Variants in ADAT3 observed in about 807,000 individuals in gnomAD.
The protein encoded by ADAT3 is tRNA-specific adenosine-34 deaminase regulatory subunit ADAT3.
Under a neutral mutation model 3.5 loss-of-function variants are expected in ADAT3, and 2 were observed. That is an observed-to-expected ratio of 0.57 (90% CI 0.23 to 1.79). The LOEUF is 1.79. ADAT3 is among the 40% of genes most tolerant of loss of function. The pLI is 0.18. For synonymous variants in ADAT3, 358 were observed against 270.3 expected (o/e 1.32, Z -3.18); for missense variants, 735 against 571.4 (o/e 1.29, Z -2.92).
chr19:1,908,133 C>T lies in ADAT3; in HGVS notation c.-159+2694C>T, dbSNP rs913258500. ...GCCTAGCAGGGCCGTGCGGGCCTCT[C>T]GGTCCTGGTCGCGCGTGGTGTGCGT... On this transcript the variant is annotated intron_variant, in intron 1 of 1. Coordinates refer to ENST00000329478, the MANE Select transcript of ADAT3 (RefSeq NM_138422.4). This position sits in a 1 kb window ranked among gnomAD's most constrained non-coding sequence, Gnocchi z 4.2. 3 of 243,114 alleles carry T rather than the reference C, an allele frequency of 1.2e-5. No individual in the cohort carries two copies. The highest frequency in any genetic ancestry group is 7.1e-5 in the African/African-American group (3 of 42,314). 15.1% of individuals were successfully genotyped at this position (243,114 alleles called of 1,614,324 possible).
At position 1,912,897 on chromosome 19, in the gene ADAT3, C is replaced by T; in HGVS notation, c.850C>T (p.Leu284=). ...CGTCCGCGCAGGCGCCGTGCGTAAA[C>T]TGGACGCAGACGAGGACGGCCTCCC... ...QAVRAGAVRK[L]DADEDGLPYL... is the part of the protein sequence containing the mutation. The change falls in exon 2 of 2, where the codon CTG becomes TTG. Residue 284 remains leucine, a synonymous_variant. Transcript: ENST00000329478. The T allele has an allele frequency of 6.2e-7, 1 of 1,608,246 alleles. No homozygotes were observed. Among genetic ancestry groups the T allele is most frequent in the East Asian group, 2.2e-5 (1 of 44,824 alleles).
In ADAT3 at chr19:1,908,643, G is replaced by A. The variant is rs780580272; in HGVS notation, c.-159+3204G>A. ...ATAACTGTGAGCACACAGGTAGTAAGGTTTTTAGGATTTTATTATTATTTA... is the reference window on the plus strand; with the variant it reads ...ATAACTGTGAGCACACAGGTAGTAAAGTTTTTAGGATTTTATTATTATTTA... On this transcript the variant is annotated intron_variant, in intron 1 of 1. Coordinates refer to ENST00000329478, the MANE Select transcript of ADAT3 (RefSeq NM_138422.4). This position sits in a 1 kb window ranked among gnomAD's most constrained non-coding sequence, Gnocchi z 4.2. 18 of 452,938 alleles carry A rather than the reference G, an allele frequency of 4.0e-5. No individual in the cohort carries two copies. The highest frequency in any genetic ancestry group is 3.4e-4 in the Middle Eastern group (1 of 2,974). 28.1% of individuals were successfully genotyped at this position (452,938 alleles called of 1,614,324 possible). A position where few individuals can be genotyped will look rare whatever the true frequency, so the allele number is the denominator to read the frequency against.
At chr19:1,910,198 G>A (rs1198517545) in intron 1 of ADAT3, among the ~76,000 whole-genome samples, 4 of 152,208 alleles carry the variant, frequency 2.6e-5, no homozygotes, top group Admixed American at 6.5e-5. Context: ...GAACCCAGGT[G>A]TCAGCCAGGG....
At chr19:1,909,112 A>T (rs1167778657) in intron 1 of ADAT3, among the ~76,000 whole-genome samples, 1 of 151,812 alleles carries the variant, frequency 6.6e-6, no homozygotes, top group Non-Finnish European at 1.5e-5. Flanking sequence ...CTGAAAAAAA[A>T]AAAAATGTGG....
chr19:1,913,256 A>G lies in ADAT3; in HGVS notation c.*105A>G, dbSNP rs2145440854. 1.4e-6 allele frequency: 2 copies of G among 1,419,090 alleles called. No homozygotes were observed. The highest frequency in any genetic ancestry group is 1.5e-5 in the South Asian group (1 of 66,860). The allele number at this position is 1,419,090 out of a possible 1,614,324, so 87.9% of individuals were successfully genotyped here. On this transcript the variant is annotated 3_prime_UTR_variant, in exon 2 of 2. Transcript: ENST00000329478. The stretch of plus-strand genomic sequence containing the variant: ...CCGCACAAGCCTGACCGTGGATTTC[A>G]GGGACACATACCGCCTCCAGCGGGG...
In ADAT3 at chr19:1,912,489, C is replaced by T; in HGVS notation, c.442C>T (p.Pro148Ser). ...CTTCCTGGTGCCCGTGCCCGCCCGG[C>T]CGCCTCTGACCAGGGGCCAGTTCGA... ...QPFLVPVPAR[P>S]PLTRGQFEEA... The change falls in exon 2 of 2, where the codon CCG becomes TCG. Residue 148 changes from proline (P) to serine (S), a missense_variant. Transcript: ENST00000329478. 1 of 1,497,262 alleles carries T rather than the reference C, an allele frequency of 6.7e-7. No homozygotes were observed. 92.7% of individuals were successfully genotyped at this position (1,497,262 alleles called of 1,614,324 possible). A position where few individuals can be genotyped will look rare whatever the true frequency, so the allele number is the denominator to read the frequency against.
Position 1,908,397 on chromosome 19 carries a change from C to T in ADAT3, c.-159+2958C>T, listed in dbSNP as rs1599231486. On this transcript the variant is annotated intron_variant, in intron 1 of 1. Coordinates refer to ENST00000329478, the MANE Select transcript of ADAT3 (RefSeq NM_138422.4). This position sits in a 1 kb window ranked among gnomAD's most constrained non-coding sequence, Gnocchi z 4.2. ...GTCCCCCATCTGTGGGGCGCCCCGGCGGCTGAGGCGTGGACCAGGCAGTGC... is the reference window on the plus strand; with the variant it reads ...GTCCCCCATCTGTGGGGCGCCCCGGTGGCTGAGGCGTGGACCAGGCAGTGC... The T allele has an allele frequency of 7.1e-6, 3 of 421,796 alleles. No individual in the cohort carries two copies. The highest frequency in any genetic ancestry group is 5.4e-5 in the Admixed American group (2 of 37,378). The allele number at this position is 421,796 out of a possible 1,614,324, so 26.1% of individuals were successfully genotyped here. A position where few individuals can be genotyped will look rare whatever the true frequency, so the allele number is the denominator to read the frequency against.
At chr19:1,906,185 C>G (rs1218937546) in intron 1 of ADAT3, 1 of 152,082 alleles carries the variant, frequency 6.6e-6, no homozygotes, top group African/African-American at 2.4e-5. Flanking sequence ...CATGGTGAAA[C>G]TCCATCTCTG....
At position 1,912,635 on chromosome 19, in the gene ADAT3, G is replaced by T. The variant is rs949727253; in HGVS notation, c.588G>T (p.Ala196=). Residue 196 remains alanine, a synonymous_variant, in exon 2 of 2, where the codon GCG becomes GCT. Transcript: ENST00000329478. ...CCATGCAGAGCCACATGGAGCGGGC[G>T]GTGTGGGCGGCCCGGCGGGCAGCAG... ...RAAMQSHMER[A]VWAARRAAAR... The T allele has an allele frequency of 5.6e-6, 8 of 1,438,842 alleles. No individual in the cohort carries two copies. The African/African-American group carries it at 1.2e-4, about 22-fold the overall frequency. The allele number at this position is 1,438,842 out of a possible 1,614,324, so 89.1% of individuals were successfully genotyped here.
chr19:1,906,124 C>T (rs2013100590), intron 1 of ADAT3: 1 of 152,244 alleles, frequency 6.6e-6, no homozygotes, highest in Admixed American at 6.5e-5. Flanking sequence ...CTTTGGGAGG[C>T]CAAGGCGAGT....
At position 1,913,107 on chromosome 19, in the gene ADAT3, G is replaced by T; in HGVS notation, c.1060G>T (p.Gly354Trp). The part of the protein sequence containing the change: ...DLNHRFQVFR[G>W]VLEEQCRWLD... ...CAACCACCGCTTCCAGGTGTTCCGCGGGGTGCTGGAGGAGCAGTGCCGCTG... is the reference window on the plus strand; with the variant it reads ...CAACCACCGCTTCCAGGTGTTCCGCTGGGTGCTGGAGGAGCAGTGCCGCTG... Residue 354 changes from glycine (G) to tryptophan (W), a missense_variant, in exon 2 of 2, where the codon GGG (glycine) becomes TGG (tryptophan). Gly to Trp is a radical substitution (Grantham distance 184, BLOSUM62 -2). Coordinates refer to ENST00000329478, the MANE Select transcript of ADAT3 (RefSeq NM_138422.4). 6.3e-7 allele frequency: 1 copy of T among 1,593,610 alleles called. No homozygotes were observed.
Position 1,908,393 on chromosome 19 carries a change from C to G in ADAT3, c.-159+2954C>G. 2.4e-6 allele frequency: 1 copy of G among 418,318 alleles called. No individual in the cohort carries two copies. The highest frequency in any genetic ancestry group is 1.8e-5 in the South Asian group (1 of 57,042). The allele number at this position is 418,318 out of a possible 1,614,324, so 25.9% of individuals were successfully genotyped here. ...GCTGGTCCCCCATCTGTGGGGCGCCCCGGCGGCTGAGGCGTGGACCAGGCA... is the reference window on the plus strand; with the variant it reads ...GCTGGTCCCCCATCTGTGGGGCGCCGCGGCGGCTGAGGCGTGGACCAGGCA... On this transcript the variant is annotated intron_variant, in intron 1 of 1. Transcript: ENST00000329478. The surrounding 1 kb of genome is among the most constrained non-coding windows in gnomAD (Gnocchi z 4.2).
At chr19:1,909,186 A>G (rs2013302484) in intron 1 of ADAT3, among the ~76,000 whole-genome samples, 2 of 150,366 alleles carry the variant, frequency 1.3e-5, no homozygotes, top group South Asian at 4.2e-4. Context: ...CTGTGGGGGC[A>G]GATGCAGGTG....
chr19:1,912,500 C>T lies in ADAT3; in HGVS notation c.453C>T (p.Thr151=). The T allele has an allele frequency of 6.7e-7, 1 of 1,497,200 alleles. No individual in the cohort carries two copies. Among genetic ancestry groups the T allele is most frequent in the Non-Finnish European group, 8.8e-7 (1 of 1,130,734 alleles). The allele number at this position is 1,497,200 out of a possible 1,614,324, so 92.7% of individuals were successfully genotyped here. ...LVPVPARPPL[T]RGQFEEARAH... ...CCGTGCCCGCCCGGCCGCCTCTGACCAGGGGCCAGTTCGAGGAGGCCCGGG... is the reference window on the plus strand; with the variant it reads ...CCGTGCCCGCCCGGCCGCCTCTGACTAGGGGCCAGTTCGAGGAGGCCCGGG... Residue 151 remains threonine, a synonymous_variant, in exon 2 of 2, where the codon ACC becomes ACT. Transcript: ENST00000329478.
chr19:1,912,716 G>A lies in ADAT3; in HGVS notation c.669G>A (p.Val223=). 1 of 1,516,364 alleles carries A rather than the reference G, an allele frequency of 6.6e-7. No individual in the cohort carries two copies. The highest frequency in any genetic ancestry group is 2.6e-5 in the East Asian group (1 of 38,292). 93.9% of individuals were successfully genotyped at this position (1,516,364 alleles called of 1,614,324 possible). Residue 223 remains valine (V), a synonymous_variant, in exon 2 of 2, where the codon GTG becomes GTA. Transcript: ENST00000329478. The part of the protein sequence containing the change: ...AVVVDPASDR[V]LATGHDCSCA... ...TAGTGGACCCGGCCTCGGACCGCGT[G>A]CTGGCCACCGGCCACGACTGCAGCT...
In ADAT3 at chr19:1,912,473, G is replaced by C. The variant is rs2013517706; in HGVS notation, c.426G>C (p.Val142=). Residue 142 remains valine, a synonymous_variant, in exon 2 of 2, where the codon GTG becomes GTC. Coordinates refer to ENST00000329478, the MANE Select transcript of ADAT3 (RefSeq NM_138422.4). ...GCGGCCTGGGGCAACCCTTCCTGGTGCCCGTGCCCGCCCGGCCGCCTCTGA... is the reference window on the plus strand; with the variant it reads ...GCGGCCTGGGGCAACCCTTCCTGGTCCCCGTGCCCGCCCGGCCGCCTCTGA... ...DPRGLGQPFL[V]PVPARPPLTR... is the part of the protein sequence containing the mutation. 1 of 1,500,178 alleles carries C rather than the reference G, an allele frequency of 6.7e-7. No homozygotes were observed. The highest frequency in any genetic ancestry group is 2.1e-5 in the Admixed American group (1 of 46,548). The allele number at this position is 1,500,178 out of a possible 1,614,324, so 92.9% of individuals were successfully genotyped here. A position where few individuals can be genotyped will look rare whatever the true frequency, so the allele number is the denominator to read the frequency against.
intron 1 of ADAT3, 194 bp downstream of exon 1, chr19:1,905,633 TGCGCGCGCGCGCGCG>T (rs2013067440): frequency 6.3e-6 from 1 of 158,980 alleles, no homozygotes; most frequent in African/African-American, 2.5e-5. Context: ...CGAATGCGCG[TGCGCGCGCGCGCGCG>T]GCGCTGGCCT....
rs2013556867 is a variant in ADAT3 at position 1,912,881 on chromosome 19, A to C, written c.834A>C (p.Ala278=). ...CCGCTGCCCCCCAGGCCGTCCGCGC[A>C]GGCGCCGTGCGTAAACTGGACGCAG... ...APAAAPQAVR[A]GAVRKLDADE... The change falls in exon 2 of 2, where the codon GCA becomes GCC. Residue 278 remains alanine, a synonymous_variant. Transcript: ENST00000329478. 1 of 1,604,458 alleles carries C rather than the reference A, an allele frequency of 6.2e-7. No homozygotes were observed. The highest frequency in any genetic ancestry group is 8.5e-7 in the Non-Finnish European group (1 of 1,178,764).
Position 1,912,861 on chromosome 19 carries a change from GC to G in ADAT3, c.820del (p.Gln274ArgfsTer29). 1.3e-6 allele frequency: 2 copies of G among 1,598,824 alleles called. No homozygotes were observed. Among genetic ancestry groups the G allele is most frequent in the Non-Finnish European group, 1.7e-6 (2 of 1,177,164 alleles). On this transcript the variant is annotated frameshift_variant, in exon 2 of 2. Coordinates refer to ENST00000329478, the MANE Select transcript of ADAT3 (RefSeq NM_138422.4). LOFTEE classifies it low-confidence loss of function (END_TRUNC). ...FPACSFAPAA[A>X]PQAVRAGAVR... ...CGCCTGCTCCTTCGCCCCGGCCGCT[GC>G]CCCCCAGGCCGTCCGCGCAGGCGCC...
Sources: gnomAD v4.1 joint callset for allele counts (sites outside exome capture counted in the v4.1 genomes callset) on GRCh38, gnomAD v4.1.1 for gene constraint, Gnocchi (gnomAD v3.1) non-coding constraint, MANE v1.5 for transcripts, NCBI Gene and HGNC (gene_info 2026-07-23, HGNC 2026-07-21) for gene names.